GLIS3: variants seen among roughly 807,000 people sequenced by gnomAD.
The protein encoded by GLIS3 is GLIS family zinc finger 3, also known as zinc finger protein GLIS3.
Under a neutral mutation model 78.6 loss-of-function variants are expected in GLIS3, and 53 were observed. That is an observed-to-expected ratio of 0.67 (90% CI 0.54 to 0.85). The LOEUF (loss-of-function observed/expected upper bound fraction) is 0.85. Ranked by LOEUF, GLIS3 falls within the 40% of genes least tolerant of loss-of-function variation. GLIS3 has a pLI of 0.00. For missense variants in GLIS3, 1,703 were observed against 1,231.1 expected (o/e 1.38, Z -5.74); for synonymous variants, 684 against 509.9 (o/e 1.34, Z -4.60).
At chr9:4,205,867 T>C (rs1457681660) in intron 2 of GLIS3, among the ~76,000 whole-genome samples, 1 of 152,274 alleles carries the variant, frequency 6.6e-6, no homozygotes, top group African/African-American at 2.4e-5. Flanking sequence ...TATGGATGAC[T>C]TCTCCTTTAA....
chr9:3,894,527 TTC>T (rs1425720232), intron 7 of GLIS3, among the ~76,000 whole-genome samples: 1 of 152,080 alleles, frequency 6.6e-6, no homozygotes, highest in Non-Finnish European at 1.5e-5. Context: ...TTTCACAAAT[TTC>T]TGTTAAATCC....
chr9:4,318,715 T>TA (rs1488130542), intron 2 of GLIS3, among the ~76,000 whole-genome samples: 1 of 152,186 alleles, frequency 6.6e-6, no homozygotes, highest in Non-Finnish European at 1.5e-5. Flanking sequence ...ATGTTTGTTT[T>TA]AAAAATCACA....
the GLIS3 span, among the ~76,000 whole-genome samples, chr9:4,387,295 AT>A: frequency 0.042 from 6,401 of 150,754 alleles, 187 homozygotes; most frequent in Middle Eastern, 0.079. Flanking sequence ...GCCTCCCAGA[AT>A]TTTTTTTTTA....
At chr9:4,367,894 T>A in the GLIS3 span, among the ~76,000 whole-genome samples, 1 of 152,210 alleles carries the variant, frequency 6.6e-6, no homozygotes, top group Non-Finnish European at 1.5e-5. Flanking sequence ...GAAAATGTTA[T>A]TATCTTCAAT....
intron 4 of GLIS3, among the ~76,000 whole-genome samples, chr9:3,961,492 G>A (rs635171): frequency 0.41 from 62,595 of 152,052 alleles, 16,110 homozygotes; most frequent in African/African-American, 0.72. Flanking sequence ...TGGGTCTCTA[G>A]TAAGCCAGTC....
the GLIS3 span, among the ~76,000 whole-genome samples, chr9:4,435,417 T>C: frequency 6.6e-6 from 1 of 152,168 alleles, no homozygotes; most frequent in Non-Finnish European, 1.5e-5. Context: ...ATCCTCGCTT[T>C]TTCACTTGCA....
In GLIS3 at chr9:4,075,063, G is replaced by A. The variant is rs1827929322; in HGVS notation, c.1710+42705C>T. On this transcript the variant is annotated intron_variant, in intron 4 of 10. Coordinates refer to ENST00000381971, the MANE Select transcript of GLIS3 (RefSeq NM_001042413.2). The stretch of plus-strand genomic sequence containing the variant: ...ATAGGAAGAAAATTCATTCAGTGAT[G>A]GAATTGAGCCTTTAAAAGACTGAGA... Among the ~76,000 whole-genome samples, 4 of 133,622 alleles carry A rather than the reference G, an allele frequency of 3.0e-5. No homozygotes were observed. The South Asian group carries it at 8.7e-4, about 29-fold the overall frequency. The allele number at this position is 133,622 out of a possible 152,430, so 87.7% of individuals were successfully genotyped here.
chr9:4,444,589 A>G, the GLIS3 span, among the ~76,000 whole-genome samples: 620 of 152,324 alleles, frequency 4.1e-3, 8 homozygotes, highest in African/African-American at 0.014. Context: ...ATGACTTCGC[A>G]GGTCTGGTAA....
chr9:4,158,277 T>C (rs1835192048), intron 2 of GLIS3, among the ~76,000 whole-genome samples: 1 of 152,186 alleles, frequency 6.6e-6, no homozygotes, highest in South Asian at 2.1e-4. Context: ...TTCTGTAGCA[T>C]GAAAGAGACG....
chr9:4,139,669 G>A (rs1833660748), intron 2 of GLIS3, among the ~76,000 whole-genome samples: 2 of 152,164 alleles, frequency 1.3e-5, no homozygotes, highest in African/African-American at 4.8e-5. Context: ...GCATGGAAGG[G>A]GTGGGCACGG....
At chr9:4,128,031 G>C (rs1056325104) in intron 2 of GLIS3, among the ~76,000 whole-genome samples, 4 of 152,178 alleles carry the variant, frequency 2.6e-5, no homozygotes, top group African/African-American at 9.7e-5. Context: ...ACTAGTGCAT[G>C]ATGTCCAGAT....
chr9:4,297,887 C>G (rs545790397), intron 1 of GLIS3, among the ~76,000 whole-genome samples: 25 of 152,040 alleles, frequency 1.6e-4, no homozygotes, highest in African/African-American at 5.8e-4. Flanking sequence ...CTTATCGGTT[C>G]CCTATAGGAC....
the GLIS3 span, among the ~76,000 whole-genome samples, chr9:4,405,191 C>T: frequency 1.3e-5 from 2 of 151,822 alleles, no homozygotes; most frequent in South Asian, 2.1e-4. Context: ...CCCATCTCTA[C>T]TAAAAATACA....
At chr9:4,045,886 T>C (rs763823240) in intron 4 of GLIS3, among the ~76,000 whole-genome samples, 2 of 152,178 alleles carry the variant, frequency 1.3e-5, no homozygotes, top group Non-Finnish European at 2.9e-5. Context: ...ATGTCATTCA[T>C]ACTTTTAAAC....
chr9:4,428,483 C>CAAA, the GLIS3 span, among the ~76,000 whole-genome samples: 315 of 48,280 alleles, frequency 6.5e-3, 6 homozygotes, highest in Non-Finnish European at 8.9e-3. Context: ...GACTCTGTCT[C>CAAA]AAAAAAAAAA....
chr9:4,257,219 G>C (rs1052265445), intron 2 of GLIS3, among the ~76,000 whole-genome samples: 2 of 152,080 alleles, frequency 1.3e-5, no homozygotes, highest in Non-Finnish European at 2.9e-5. Context: ...AGGATATTAT[G>C]CTAAGTATAA....
At chr9:3,881,002 G>A (rs1588143756) in intron 7 of GLIS3, among the ~76,000 whole-genome samples, 1 of 149,106 alleles carries the variant, frequency 6.7e-6, no homozygotes, top group African/African-American at 2.4e-5. Flanking sequence ...CTTCTGTTGT[G>A]TGCGTCAGCT....
At chr9:4,355,213 T>G in the GLIS3 span, among the ~76,000 whole-genome samples, 3 of 152,084 alleles carry the variant, frequency 2.0e-5, no homozygotes, top group Admixed American at 2.0e-4. Context: ...GTCCTGGATT[T>G]GGAGTTGGGC....
the GLIS3 span, among the ~76,000 whole-genome samples, chr9:4,420,651 C>G: frequency 1.3e-5 from 2 of 152,160 alleles, no homozygotes; most frequent in African/African-American, 4.8e-5. Context: ...TCTGGTTGAA[C>G]AGCCGCTGAT....
Sources: gnomAD v4.1 joint callset for allele counts (sites outside exome capture counted in the v4.1 genomes callset) on GRCh38, gnomAD v4.1.1 for gene constraint, MANE v1.5 for transcripts, NCBI Gene and HGNC (gene_info 2026-07-23, HGNC 2026-07-21) for gene names.